Variants in USP20 observed in about 807,000 individuals in gnomAD.
USP20 encodes the protein ubiquitin carboxyl-terminal hydrolase 20.
A neutral mutation model predicts 124.2 loss-of-function variants in USP20; 80 were observed. The ratio of observed to expected loss-of-function variants is 0.64; its 90% CI spans 0.54 to 0.78. The LOEUF is 0.78. Among genes scored for constraint, USP20 ranks in the 30% least tolerant of loss-of-function variants. USP20 has a pLI of 0.00. For synonymous variants in USP20, 481 were observed against 512.3 expected, an observed-to-expected ratio of 0.94 and a Z score of 0.83; for missense variants, 1,043 against 1,244.4, an observed-to-expected ratio of 0.84 and a Z score of 2.44.
intron 11 of USP20, 139 bp downstream of exon 11, chr9:129,868,588 G>A: frequency 2.8e-6 from 4 of 1,435,026 alleles, no homozygotes; most frequent in East Asian, 2.5e-5. Flanking sequence ...GTCAGCCTCC[G>A]GGGGGGCTCA....
intron 10 of USP20, among the ~76,000 whole-genome samples, chr9:129,865,960 T>A (rs1036732901): frequency 3.3e-5 from 5 of 152,182 alleles, no homozygotes; most frequent in Admixed American, 6.5e-5. Context: ...TGATTAAAAA[T>A]TTTTTTTAAA....
In USP20 at chr9:129,881,076, T is replaced by G. The variant is rs1343329417; in HGVS notation, c.*626T>G. 1 of 152,524 alleles carries G rather than the reference T, an allele frequency of 6.6e-6. No homozygotes were observed. Among genetic ancestry groups the G allele is most frequent in the Non-Finnish European group, 1.5e-5 (1 of 68,264 alleles). 9.4% of individuals were successfully genotyped at this position (152,524 alleles called of 1,614,324 possible). ...TGGATTTCTGCCAGTGGGGGATGTT[T>G]CTGGAGGCAGCTGGTCCCCCACACC... On this transcript the variant is annotated 3_prime_UTR_variant, in exon 26 of 26. Coordinates refer to ENST00000372429, the MANE Select transcript of USP20 (RefSeq NM_001110303.4).
chr9:129,865,426 A>G (rs1246719910), intron 10 of USP20, 45 bp downstream of exon 10: 1 of 1,602,736 alleles, frequency 6.2e-7, no homozygotes, highest in East Asian at 2.2e-5. Context: ...GCCATGACCC[A>G]CCAGGCCTGA....
At chr9:129,836,621 A>G (rs936056055) in intron 1 of USP20, among the ~76,000 whole-genome samples, 4 of 152,190 alleles carry the variant, frequency 2.6e-5, no homozygotes, top group East Asian at 1.9e-4. Flanking sequence ...GCAGGGCAGC[A>G]TTTCTAGAAT....
At chr9:129,861,638 C>G (rs10124224) in intron 8 of USP20, 26 bp downstream of exon 8, 1 of 1,612,398 alleles carries the variant, frequency 6.2e-7, no homozygotes. Context: ...GTCCGAGGGC[C>G]GAGAGCTGTC....
At chr9:129,865,255 G>A in intron 9 of USP20, 48 bp from the exon 10 acceptor site, 1 of 1,595,632 alleles carries the variant, frequency 6.3e-7, no homozygotes, top group South Asian at 1.1e-5. Flanking sequence ...TCGGGAATGA[G>A]CAGCTCAAGG....
intron 17 of USP20, among the ~76,000 whole-genome samples, chr9:129,874,149 G>A (rs1588286644): frequency 6.6e-6 from 1 of 152,134 alleles, no homozygotes; most frequent in East Asian, 1.9e-4. Context: ...GGAGGGTGTA[G>A]GCTGGTGTCA....
chr9:129,875,079 G>T (rs998797453), intron 19 of USP20, 124 bp downstream of exon 19: 3 of 1,435,580 alleles, frequency 2.1e-6, no homozygotes, highest in African/African-American at 2.9e-5. Flanking sequence ...GACTTGGATT[G>T]TTAAGAAACA....
chr9:129,849,467 T>C (rs754333586), intron 1 of USP20, among the ~76,000 whole-genome samples: 1 of 152,126 alleles, frequency 6.6e-6, no homozygotes, highest in Non-Finnish European at 1.5e-5. Context: ...GATTTTAAAA[T>C]AACGGAACTG....
chr9:129,857,780 C>T (rs2033291071), intron 4 of USP20, among the ~76,000 whole-genome samples: 1 of 152,232 alleles, frequency 6.6e-6, no homozygotes, highest in Admixed American at 6.5e-5. Flanking sequence ...GGGACCCCGC[C>T]TGGGCTTCTT....
In USP20 at chr9:129,879,645, G is replaced by C; in HGVS notation, c.2584+1G>C. ...AGCGGCCATGTCCAGCTGAAGCAGG[G>C]TGAGTTCCCCCTGGGGTCAGCCAGG... On this transcript the variant is annotated splice_donor_variant, in intron 24 of 25. Transcript: ENST00000372429. LOFTEE classifies it high-confidence loss of function. The surrounding 1 kb of genome is among the most constrained non-coding windows in gnomAD (Gnocchi z 4.2). 6.2e-7 allele frequency: 1 copy of C among 1,613,910 alleles called. No homozygotes were observed. The highest frequency in any genetic ancestry group is 8.5e-7 in the Non-Finnish European group (1 of 1,179,986).
At chr9:129,874,795 G>A in intron 18 of USP20, 34 bp from the exon 19 acceptor site, 1 of 1,613,934 alleles carries the variant, frequency 6.2e-7, no homozygotes, top group East Asian at 2.2e-5. Context: ...CCATCCGCTA[G>A]GATCCCTGTG....
intron 5 of USP20, 111 bp from the exon 6 acceptor site, chr9:129,858,355 CT>C: frequency 6.6e-7 from 1 of 1,507,456 alleles, no homozygotes; most frequent in South Asian, 1.2e-5. Context: ...CTTCCGGCCT[CT>C]GTCCTGACAG....
chr9:129,874,670 T>C lies in USP20; in HGVS notation c.1835T>C (p.Leu612Pro). ...HVSFPLEGLDLRPFLAKECTS... is the reference protein window; with the variant it reads ...HVSFPLEGLDPRPFLAKECTS... ...TCCTTCCCCCTCGAGGGGCTCGACC[T>C]GCGCCCCTTCCTTGCCAAGGAGTGC... Residue 612 changes from leucine (L) to proline (P), a missense_variant, in exon 18 of 26, where the codon CTG becomes CCG. By Grantham distance (98) the Leu-to-Pro change is moderately conservative. Transcript: ENST00000372429. 2 of 1,613,946 alleles carry C rather than the reference T, an allele frequency of 1.2e-6. No homozygotes were observed. The highest frequency in any genetic ancestry group is 1.7e-6 in the Non-Finnish European group (2 of 1,180,020).
At chr9:129,870,963 C>G (rs1283037673) in intron 15 of USP20, among the ~76,000 whole-genome samples, 2 of 151,992 alleles carry the variant, frequency 1.3e-5, no homozygotes, top group Admixed American at 1.3e-4. Context: ...TGGGAAAACT[C>G]TCTCTTTTTT....
rs2034545773 is a variant in USP20, at chr9:129,879,419, C to A, written c.2513-154C>A. The A allele has an allele frequency of 1.0e-5, 7 of 689,810 alleles. No individual in the cohort carries two copies. Among genetic ancestry groups the A allele is most frequent in the Admixed American group, 2.5e-5 (1 of 40,460 alleles). 42.7% of individuals were successfully genotyped at this position (689,810 alleles called of 1,614,324 possible). A position where few individuals can be genotyped will look rare whatever the true frequency, so the allele number is the denominator to read the frequency against. ...TCCCTCTGCTGGGTCCTCAGACTGC[C>A]ACAGAGGAGCATTGGGTGGCTCAGG... is the stretch of plus-strand genomic sequence containing the variant. On this transcript the variant is annotated intron_variant, in intron 23 of 25. Transcript: ENST00000372429. The surrounding 1 kb of genome is among the most constrained non-coding windows in gnomAD (Gnocchi z 4.2).
rs527712807 is a variant in USP20 at position 129,837,479 on chromosome 9, A to G, written c.-129+1980A>G. On this transcript the variant is annotated intron_variant, in intron 1 of 25. Transcript: ENST00000372429. ...GTGATACAGTTCACAGCCCAGCTAT[A>G]GTCGGCATCCAATAAATGTATTTAT... Among the ~76,000 whole-genome samples, 4 of 152,324 alleles carry G rather than the reference A, an allele frequency of 2.6e-5. No homozygotes were observed. The East Asian group carries it at 7.7e-4, about 29-fold the overall frequency.
intron 10 of USP20, 114 bp from the exon 11 acceptor site, chr9:129,867,891 G>A (rs2033896942): frequency 7.7e-6 from 10 of 1,303,448 alleles, no homozygotes; most frequent in Middle Eastern, 2.7e-4. Context: ...TTCTGCAGGG[G>A]GCGCCCATGA....
In USP20 at chr9:129,847,177, G is replaced by A. The variant is rs181869064; in HGVS notation, c.-128-2636G>A. Among the ~76,000 whole-genome samples, 150 of 152,114 alleles carry A rather than the reference G, an allele frequency of 9.9e-4. 2 individuals carry two copies. The East Asian group carries it at 0.021, about 21-fold the overall frequency. ...CCAGATGTGGATTGCTCAATAGTGT[G>A]GTACTATTTTACAGTTCTTGAGGAA... On this transcript the variant is annotated intron_variant, in intron 1 of 25. Coordinates refer to ENST00000372429, the MANE Select transcript of USP20 (RefSeq NM_001110303.4).
Sources: allele counts gnomAD v4.1 joint callset (sites outside exome capture counted in the v4.1 genomes callset), GRCh38; gene constraint gnomAD v4.1.1; non-coding constraint Gnocchi (gnomAD v3.1); transcripts MANE v1.5; gene names NCBI Gene and HGNC (gene_info 2026-07-23, HGNC 2026-07-21).